The following PKD2 variants were observed in gnomAD, a reference collection of about 807,000 sequenced individuals.
The protein encoded by PKD2 is polycystin-2.
PKD2 carries 48 observed loss-of-function variants against 105.9 expected under a neutral mutation model. That is an observed-to-expected ratio of 0.45 (90% CI 0.36 to 0.58). PKD2 has a LOEUF of 0.58. Among genes scored for constraint, PKD2 ranks in the 20% least tolerant of loss-of-function variants. The pLI, the probability that PKD2 is intolerant of heterozygous loss-of-function variation, is 0.00. For synonymous variants in PKD2, 464 were observed against 481.1 expected (o/e 0.96, Z 0.46); for missense variants, 1,078 against 1,255.3 (o/e 0.86, Z 2.13).
Position 88,071,000 on chromosome 4 carries a change from G to A in PKD2, c.2522+2939G>A, listed in dbSNP as rs189100826. Among the ~76,000 whole-genome samples the A allele has an allele frequency of 1.3e-3, 203 of 151,426 alleles. 1 individual carries two copies. The highest frequency in any genetic ancestry group is 4.7e-3 in the African/African-American group (193 of 41,248). ...TATTTGGTTCTTTTTAGCAATCTCT[G>A]TCTCTTTATTCTGTATTTGATGATA... On this transcript the variant is annotated intron_variant, in intron 13 of 14. Transcript: ENST00000237596.
intron 1 of PKD2, among the ~76,000 whole-genome samples, chr4:88,010,951 AG>A (rs1459762968): frequency 6.6e-6 from 1 of 152,204 alleles, no homozygotes; most frequent in Non-Finnish European, 1.5e-5. Context: ...CCTAAATATT[AG>A]GAAGGAGTTG....
At chr4:88,008,785 G>A (rs750152272) in intron 1 of PKD2, among the ~76,000 whole-genome samples, 5 of 152,168 alleles carry the variant, frequency 3.3e-5, no homozygotes, top group African/African-American at 1.2e-4. Context: ...ATTGTCCCGG[G>A]CTGAAAAGGG....
chr4:88,028,328 T>A (rs919212350), intron 2 of PKD2, among the ~76,000 whole-genome samples: 2 of 152,202 alleles, frequency 1.3e-5, no homozygotes, highest in African/African-American at 4.8e-5. Context: ...GGTCAGTGAG[T>A]TAATCTCACA....
At chr4:88,065,989 C>T in intron 12 of PKD2, 110 bp downstream of exon 12, 1 of 759,258 alleles carries the variant, frequency 1.3e-6, no homozygotes, top group East Asian at 2.5e-5. Flanking sequence ...TTCCCCACCA[C>T]ACTCTCTCTC....
chr4:88,047,059 G>C (rs1031714095), intron 6 of PKD2, among the ~76,000 whole-genome samples, 189 bp downstream of exon 6: 2 of 152,174 alleles, frequency 1.3e-5, no homozygotes, highest in African/African-American at 2.4e-5. Context: ...AGTATGAAGT[G>C]GAGAGGTATT....
intron 8 of PKD2, among the ~76,000 whole-genome samples, chr4:88,057,456 G>A (rs1470089125): frequency 2.2e-5 from 3 of 133,698 alleles, no homozygotes; most frequent in Non-Finnish European, 4.7e-5. Context: ...TTTTTTTTGA[G>A]ATGGAGTCTC....
intron 1 of PKD2, among the ~76,000 whole-genome samples, chr4:88,012,364 C>G (rs1303685497): frequency 6.6e-6 from 1 of 152,164 alleles, no homozygotes; most frequent in Non-Finnish European, 1.5e-5. Context: ...CAAAGTGTTT[C>G]TCATCCACTG....
At chr4:88,048,718 C>T (rs1037038142) in intron 6 of PKD2, among the ~76,000 whole-genome samples, 1 of 152,064 alleles carries the variant, frequency 6.6e-6, no homozygotes. Context: ...GAAGTGCATC[C>T]CGTCTTTTAC....
chr4:88,015,222 G>A (rs1026010984), intron 1 of PKD2, among the ~76,000 whole-genome samples: 2 of 152,164 alleles, frequency 1.3e-5, no homozygotes, highest in African/African-American at 4.8e-5. Context: ...GAACTGGGCC[G>A]CAGAGCAGGA....
At chr4:88,047,184 T>TA (rs397948369) in intron 6 of PKD2, among the ~76,000 whole-genome samples, 1 of 151,960 alleles carries the variant, frequency 6.6e-6, no homozygotes, top group African/African-American at 2.4e-5. Flanking sequence ...TGTTTTTTTT[T>TA]CCACTAATGA....
chr4:88,030,870 C>A (rs752483963), intron 2 of PKD2, among the ~76,000 whole-genome samples: 1 of 152,238 alleles, frequency 6.6e-6, no homozygotes, highest in Non-Finnish European at 1.5e-5. Flanking sequence ...TAGGACTTCT[C>A]ATTTACTAAC....
At position 88,039,077 on chromosome 4, in the gene PKD2, C is replaced by T. The variant is rs536814971; in HGVS notation, c.1094+576C>T. ...ACATCTTGTGTATTAAGGGAGGTCA[C>T]TTACTATTTTAGAAGTATTGTAGTT... On this transcript the variant is annotated intron_variant, in intron 4 of 14. Coordinates refer to ENST00000237596, the MANE Select transcript of PKD2 (RefSeq NM_000297.4). Among the ~76,000 whole-genome samples, 88 of 152,284 alleles carry T rather than the reference C, an allele frequency of 5.8e-4. 1 individual carries two copies. Among genetic ancestry groups the T allele is most frequent in the African/African-American group, 1.9e-3 (81 of 41,560 alleles).
intron 9 of PKD2, among the ~76,000 whole-genome samples, chr4:88,060,005 A>G (rs1433457580): frequency 9.9e-5 from 15 of 152,186 alleles, no homozygotes. Context: ...GCAGATGTCC[A>G]TCTGATAATT....
chr4:88,017,448 C>A (rs1409503695), intron 1 of PKD2, among the ~76,000 whole-genome samples: 3 of 152,198 alleles, frequency 2.0e-5, no homozygotes, highest in African/African-American at 7.2e-5. Context: ...CTCACTCTGT[C>A]ACCCAGGCTG....
intron 2 of PKD2, among the ~76,000 whole-genome samples, chr4:88,021,705 G>A (rs1427792117): frequency 1.3e-5 from 2 of 152,152 alleles, no homozygotes; most frequent in African/African-American, 2.4e-5. Flanking sequence ...TAGAAAGTTC[G>A]TCCTTAGCAG....
Position 88,074,478 on chromosome 4 carries a change from G to A in PKD2, c.2523-334G>A, listed in dbSNP as rs904745100. Among the ~76,000 whole-genome samples the A allele has an allele frequency of 3.3e-4, 50 of 152,128 alleles. 1 individual carries two copies. Among genetic ancestry groups the A allele is most frequent in the African/African-American group, 1.2e-3 (48 of 41,498 alleles). On this transcript the variant is annotated intron_variant, in intron 13 of 14. Transcript: ENST00000237596. Reference sequence around the variant, plus strand: ...TGATGTAGCCATTTTTCAATGATCCGCGATTAAGAAGCAGCACTCTTTTAT... The same window carrying A: ...TGATGTAGCCATTTTTCAATGATCCACGATTAAGAAGCAGCACTCTTTTAT...
At chr4:88,043,191 A>C in intron 4 of PKD2, 42 bp from the exon 5 acceptor site, 1 of 1,264,452 alleles carries the variant, frequency 7.9e-7, no homozygotes. Context: ...CAAGTGTTCC[A>C]CTGATTGTAA....
intron 8 of PKD2, among the ~76,000 whole-genome samples, chr4:88,056,617 T>C (rs1720344566): frequency 6.6e-6 from 1 of 152,252 alleles, no homozygotes; most frequent in South Asian, 2.1e-4. Flanking sequence ...TGTTGCCATA[T>C]ATTTAGAACT....
chr4:88,065,834 C>T lies in PKD2; in HGVS notation c.2313C>T (p.Thr771=), dbSNP rs544014723. ...ACCAAGATGGAGACCAAGAACTGAC[C>T]GAACATGAACATCAGCAGATGAGAG... is the stretch of plus-strand genomic sequence containing the variant. ...KYDQDGDQEL[T]EHEHQQMRDD... Residue 771 remains threonine (T), a synonymous_variant, in exon 12 of 15, where the codon ACC becomes ACT. Transcript: ENST00000237596. The T allele has an allele frequency of 1.4e-4, 228 of 1,613,248 alleles. No homozygotes were observed. Among genetic ancestry groups the T allele is most frequent in the Non-Finnish European group, 1.8e-4 (210 of 1,179,376 alleles).
Sources: allele counts gnomAD v4.1 joint callset (sites outside exome capture counted in the v4.1 genomes callset), GRCh38; gene constraint gnomAD v4.1.1; transcripts MANE v1.5; gene names NCBI Gene and HGNC (gene_info 2026-07-23, HGNC 2026-07-21).